CNTNAP2: variants seen among roughly 807,000 people sequenced by gnomAD.
The protein encoded by CNTNAP2 is contactin-associated protein-like 2.
In CNTNAP2, 98 loss-of-function variants were observed where a neutral mutation model predicts 155.2. That is an observed-to-expected ratio of 0.63 (90% CI 0.54 to 0.75). The LOEUF is 0.75. CNTNAP2 is among the 30% of genes least tolerant of loss of function. The pLI, the probability that CNTNAP2 is intolerant of heterozygous loss-of-function variation, is 0.00. For missense variants in CNTNAP2, 1,727 were observed against 1,688.1 expected (o/e 1.02, Z -0.40); for synonymous variants, 651 against 631.2 (o/e 1.03, Z -0.47).
At chr7:146,225,541 CTG>C (rs1799279470) in intron 1 of CNTNAP2, among the ~76,000 whole-genome samples, 2 of 152,154 alleles carry the variant, frequency 1.3e-5, no homozygotes, top group South Asian at 4.1e-4. Flanking sequence ...CCCGCAGAAA[CTG>C]TGTATCTAAG....
At chr7:148,297,565 G>A (rs148961311) in intron 21 of CNTNAP2, among the ~76,000 whole-genome samples, 2 of 152,222 alleles carry the variant, frequency 1.3e-5, no homozygotes, top group Admixed American at 6.5e-5. Flanking sequence ...AGTGCTATTC[G>A]GTTTTCAGTA....
chr7:146,524,658 G>A (rs998079443), intron 1 of CNTNAP2, among the ~76,000 whole-genome samples: 1 of 152,124 alleles, frequency 6.6e-6, no homozygotes, highest in Non-Finnish European at 1.5e-5. Flanking sequence ...GAAGGGAGCA[G>A]AGAGCTCAGG....
intron 8 of CNTNAP2, among the ~76,000 whole-genome samples, chr7:147,210,792 T>A (rs962342123): frequency 1.3e-5 from 2 of 151,954 alleles, no homozygotes; most frequent in South Asian, 2.1e-4. Flanking sequence ...ATTTATTTTT[T>A]AAAAATGTAT....
At chr7:147,453,430 G>A (rs924828216) in intron 10 of CNTNAP2, among the ~76,000 whole-genome samples, 1 of 152,114 alleles carries the variant, frequency 6.6e-6, no homozygotes, top group Admixed American at 6.6e-5. Context: ...CCATTACGGT[G>A]TGATCTCCTT....
intron 9 of CNTNAP2, among the ~76,000 whole-genome samples, chr7:147,385,951 C>T (rs1473365703): frequency 1.3e-5 from 2 of 152,224 alleles, no homozygotes; most frequent in Non-Finnish European, 2.9e-5. Context: ...TCCATACATC[C>T]TCTGAAATCC....
intron 1 of CNTNAP2, among the ~76,000 whole-genome samples, chr7:146,379,507 A>T (rs1216034391): frequency 6.6e-6 from 1 of 152,194 alleles, no homozygotes; most frequent in Non-Finnish European, 1.5e-5. Flanking sequence ...TAGGTATTTG[A>T]CCAATGGCAA....
chr7:148,065,307 A>G (rs1410635137), intron 15 of CNTNAP2, among the ~76,000 whole-genome samples: 2 of 152,096 alleles, frequency 1.3e-5, no homozygotes, highest in African/African-American at 4.8e-5. Context: ...TGTTAAGTCC[A>G]TTTGTTCTAG....
intron 1 of CNTNAP2, among the ~76,000 whole-genome samples, chr7:146,468,101 A>G (rs1796741499): frequency 6.6e-6 from 1 of 152,220 alleles, no homozygotes; most frequent in Non-Finnish European, 1.5e-5. Context: ...GTGCAAAAGA[A>G]AGCATAATAT....
chr7:148,335,337 G>A (rs1245209277), intron 21 of CNTNAP2, among the ~76,000 whole-genome samples: 1 of 152,200 alleles, frequency 6.6e-6, no homozygotes, highest in Non-Finnish European at 1.5e-5. Flanking sequence ...AGGAGTGATT[G>A]CAGGGATTGA....
chr7:146,945,042 T>C (rs188467142), intron 3 of CNTNAP2, among the ~76,000 whole-genome samples: 4 of 152,322 alleles, frequency 2.6e-5, no homozygotes, highest in Non-Finnish European at 5.9e-5. Context: ...ATAAAAATAC[T>C]CAGTGCACGT....
intron 11 of CNTNAP2, among the ~76,000 whole-genome samples, chr7:147,530,952 G>A (rs1037867235): frequency 6.6e-6 from 1 of 152,164 alleles, no homozygotes; most frequent in Non-Finnish European, 1.5e-5. Context: ...GTTCCAAAGG[G>A]GAGAAATTGG....
At chr7:148,006,565 T>C (rs10260966) in intron 15 of CNTNAP2, among the ~76,000 whole-genome samples, 9,703 of 150,486 alleles carry the variant, frequency 0.064, 703 homozygotes, top group African/African-American at 0.18. Flanking sequence ...GTGATCTGCC[T>C]GCCTCGGCCT....
At chr7:146,411,408 G>A (rs1046504480) in intron 1 of CNTNAP2, among the ~76,000 whole-genome samples, 5 of 151,890 alleles carry the variant, frequency 3.3e-5, no homozygotes, top group Non-Finnish European at 7.4e-5. Context: ...TGCCAGCCTC[G>A]GCCTCCCAAA....
intron 13 of CNTNAP2, among the ~76,000 whole-genome samples, chr7:147,837,291 T>C (rs994627487): frequency 3.3e-5 from 5 of 152,136 alleles, no homozygotes; most frequent in Admixed American, 2.6e-4. Flanking sequence ...GAAACTTCTC[T>C]TTATAAAACC....
intron 10 of CNTNAP2, among the ~76,000 whole-genome samples, chr7:147,428,142 G>T (rs936113141): frequency 6.6e-6 from 1 of 152,128 alleles, no homozygotes; most frequent in African/African-American, 2.4e-5. Flanking sequence ...TTGGATGAAT[G>T]ATGAACTGGG....
chr7:147,551,340 G>T (rs1562992827), intron 11 of CNTNAP2, among the ~76,000 whole-genome samples: 1 of 152,140 alleles, frequency 6.6e-6, no homozygotes, highest in Non-Finnish European at 1.5e-5. Flanking sequence ...TTTGGCAGAT[G>T]CTTTAAGATT....
chr7:147,667,254 TG>T (rs1200470859), intron 13 of CNTNAP2, among the ~76,000 whole-genome samples: 3 of 152,146 alleles, frequency 2.0e-5, no homozygotes, highest in African/African-American at 7.2e-5. Flanking sequence ...AAGTTGATTG[TG>T]AGGGGGAATT....
intron 13 of CNTNAP2, among the ~76,000 whole-genome samples, chr7:147,683,678 A>G (rs1412963838): frequency 6.6e-6 from 1 of 151,252 alleles, no homozygotes; most frequent in Non-Finnish European, 1.5e-5. Flanking sequence ...TGGCACATGC[A>G]TTATAATATT....
chr7:146,990,819 A>G (rs961007762), intron 3 of CNTNAP2, among the ~76,000 whole-genome samples: 1 of 152,078 alleles, frequency 6.6e-6, no homozygotes, highest in Non-Finnish European at 1.5e-5. Context: ...ACTCAGTCAA[A>G]GGGAAAATGA....
Sources: gnomAD v4.1 joint callset for allele counts (sites outside exome capture counted in the v4.1 genomes callset) on GRCh38, gnomAD v4.1.1 for gene constraint, MANE v1.5 for transcripts, NCBI Gene and HGNC (gene_info 2026-07-23, HGNC 2026-07-21) for gene names.